Variants in TCF25 observed in about 807,000 individuals in gnomAD.
TCF25 encodes the protein ribosome quality control complex subunit TCF25.
A neutral mutation model predicts 83.1 loss-of-function variants in TCF25; 41 were observed. The observed-to-expected ratio is 0.49, with a 90% CI of 0.38 to 0.64. The LOEUF (loss-of-function observed/expected upper bound fraction) is 0.64, where lower values mean the gene tolerates loss of function less well. Ranked by LOEUF, TCF25 falls within the 30% of genes least tolerant of loss-of-function variation. TCF25 has a pLI of 0.00. For synonymous variants in TCF25, 458 were observed against 365.0 expected (o/e 1.25, Z -2.90); for missense variants, 979 against 914.5 (o/e 1.07, Z -0.91).
chr16:89,899,929 G>A (rs956324174), intron 11 of TCF25, among the ~76,000 whole-genome samples: 1 of 152,130 alleles, frequency 6.6e-6, no homozygotes, highest in East Asian at 1.9e-4. Context: ...AATGAAAGTG[G>A]GTAAATTATT....
intron 2 of TCF25, chr16:89,883,733 C>A: frequency 1.8e-6 from 1 of 551,320 alleles, no homozygotes; most frequent in Non-Finnish European, 3.2e-6. Flanking sequence ...AGAGTCTGCG[C>A]CTGCCCAGCA....
chr16:89,888,983 G>A (rs1010285985), intron 5 of TCF25, among the ~76,000 whole-genome samples: 43 of 151,130 alleles, frequency 2.8e-4, no homozygotes, highest in Non-Finnish European at 2.5e-4. Context: ...CATGGCGCCC[G>A]GCCCAGATAA....
At chr16:89,875,272 G>A (rs906049411) in intron 1 of TCF25, among the ~76,000 whole-genome samples, 1 of 152,066 alleles carries the variant, frequency 6.6e-6, no homozygotes, top group South Asian at 2.1e-4. Flanking sequence ...CTATGTATTC[G>A]TTGACCATTT....
intron 12 of TCF25, 61 bp downstream of exon 12, chr16:89,900,855 T>C: frequency 6.9e-7 from 1 of 1,446,812 alleles, no homozygotes; most frequent in Non-Finnish European, 9.3e-7. Flanking sequence ...TGGGGGCTGC[T>C]CTTCCTGGTG....
At chr16:89,897,024 C>T (rs1161428272) in intron 9 of TCF25, among the ~76,000 whole-genome samples, 1 of 149,436 alleles carries the variant, frequency 6.7e-6, no homozygotes, top group African/African-American at 2.5e-5. Context: ...GAGACCTTGT[C>T]TCTCAAAAAA....
In TCF25 at chr16:89,887,816, G is replaced by C. The variant is rs2144056788; in HGVS notation, c.614+99G>C. On this transcript the variant is annotated intron_variant, in intron 5 of 17. Coordinates refer to ENST00000263346, the MANE Select transcript of TCF25 (RefSeq NM_014972.3). ...CTGAAGCTAGTTTACCCTTGAGGGA[G>C]AGTATTTAAAGCCAGAGTGCACACG... The C allele has an allele frequency of 2.5e-6, 3 of 1,205,514 alleles. No homozygotes were observed. The East Asian group carries it at 8.0e-5, about 32-fold the overall frequency. 74.7% of individuals were successfully genotyped at this position (1,205,514 alleles called of 1,614,324 possible). A position where few individuals can be genotyped will look rare whatever the true frequency, so the allele number is the denominator to read the frequency against.
chr16:89,896,576 C>T (rs1399396602), intron 9 of TCF25, among the ~76,000 whole-genome samples: 3 of 129,698 alleles, frequency 2.3e-5, no homozygotes, highest in Non-Finnish European at 4.7e-5. Context: ...TTTTTTGAGA[C>T]GGAGTCTCAC....
chr16:89,874,642 A>C (rs192131961), intron 1 of TCF25: 2 of 152,270 alleles, frequency 1.3e-5, no homozygotes, highest in Non-Finnish European at 2.9e-5. Context: ...TGGTTTGCTC[A>C]TGCGGTCCTG....
chr16:89,910,366 C>T (rs2045457551), intron 16 of TCF25: 1 of 591,384 alleles, frequency 1.7e-6, no homozygotes, highest in South Asian at 2.0e-5. Flanking sequence ...AGTTGGTCTC[C>T]CTCATCCTGT....
chr16:89,890,996 TC>T, intron 5 of TCF25, among the ~76,000 whole-genome samples: 1 of 152,108 alleles, frequency 6.6e-6, no homozygotes, highest in Admixed American at 6.5e-5. Flanking sequence ...TTCTGGTGGT[TC>T]TCTCAGAAGC....
intron 1 of TCF25, among the ~76,000 whole-genome samples, chr16:89,875,724 A>G (rs958370058): frequency 6.9e-6 from 1 of 144,674 alleles, no homozygotes; most frequent in Admixed American, 7.1e-5. Context: ...GGGTTTCACC[A>G]TGTTAGCCAG....
chr16:89,898,044 C>T (rs901761274), intron 9 of TCF25, among the ~76,000 whole-genome samples: 1 of 150,590 alleles, frequency 6.6e-6, no homozygotes, highest in South Asian at 2.1e-4. Context: ...GCGGAGCTTG[C>T]AATGAGCCGA....
chr16:89,908,363 T>C (rs994934398), intron 16 of TCF25, among the ~76,000 whole-genome samples: 161 of 59,524 alleles, frequency 2.7e-3, no homozygotes, highest in Middle Eastern at 0.027. Flanking sequence ...GCTCCCATCT[T>C]CCAGCTCCCA....
intron 7 of TCF25, 166 bp downstream of exon 7, chr16:89,894,024 A>G (rs2043629550): frequency 3.0e-6 from 3 of 1,007,252 alleles, no homozygotes; most frequent in Non-Finnish European, 4.2e-6. Flanking sequence ...CCAGAAGGAG[A>G]TGTGTTCGGA....
chr16:89,905,714 C>T (rs114315834), intron 14 of TCF25, among the ~76,000 whole-genome samples: 2,023 of 152,328 alleles, frequency 0.013, 57 homozygotes, highest in African/African-American at 0.046. Context: ...TGCCCCCAGC[C>T]GCTGGCAGTC....
chr16:89,887,432 G>A (rs888386498), intron 4 of TCF25, among the ~76,000 whole-genome samples: 15 of 152,162 alleles, frequency 9.9e-5, no homozygotes, highest in Admixed American at 3.3e-4. Flanking sequence ...AGCACTCACC[G>A]AGCGCCCTCA....
At chr16:89,875,031 GC>G (rs2143875598) in intron 1 of TCF25, among the ~76,000 whole-genome samples, 1 of 152,248 alleles carries the variant, frequency 6.6e-6, no homozygotes, top group Non-Finnish European at 1.5e-5. Context: ...ATGGAATCTT[GC>G]TCTGTTGCCC....
At position 89,885,927 on chromosome 16, in the gene TCF25, C is replaced by T; in HGVS notation, c.509C>T (p.Pro170Leu). 6.2e-7 allele frequency: 1 copy of T among 1,613,522 alleles called. No individual in the cohort carries two copies. Among genetic ancestry groups the T allele is most frequent in the Non-Finnish European group, 8.5e-7 (1 of 1,179,982 alleles). The change falls in exon 4 of 18, where the codon CCC becomes CTC. Residue 170 changes from proline to leucine, a missense_variant. Transcript: ENST00000263346. ...STGLNRPGPA[P>L]LSSRKHVLYV... ...GGGTTGAACCGTCCCGGCCCAGCTC[C>T]CCTGAGCTCCAGGAAGCACGTTCTC...
Position 89,883,472 on chromosome 16 carries a change from A to G in TCF25, c.314A>G (p.Lys105Arg). The G allele has an allele frequency of 2.5e-6, 4 of 1,613,178 alleles. No individual in the cohort carries two copies. The highest frequency in any genetic ancestry group is 3.4e-6 in the Non-Finnish European group (4 of 1,179,726). Residue 105 changes from lysine to arginine, a missense_variant, in exon 2 of 18, where the codon AAG becomes AGG. Coordinates refer to ENST00000263346, the MANE Select transcript of TCF25 (RefSeq NM_014972.3). Reference protein sequence around the residue: ...GRGQRGNTESKTDGDDTETVP... With the variant: ...GRGQRGNTESRTDGDDTETVP... The stretch of plus-strand genomic sequence containing the variant: ...GGTCAGCGTGGAAACACAGAGAGCA[A>G]GACGGATGGAGATGACACCGAGACA...
Sources: gnomAD v4.1 joint callset for allele counts (sites outside exome capture counted in the v4.1 genomes callset) on GRCh38, gnomAD v4.1.1 for gene constraint, MANE v1.5 for transcripts, NCBI Gene and HGNC (gene_info 2026-07-23, HGNC 2026-07-21) for gene names.